The following STXBP4 variants were observed in gnomAD, a reference collection of about 807,000 sequenced individuals.
STXBP4 encodes syntaxin-binding protein 4.
A neutral mutation model predicts 76.1 loss-of-function variants in STXBP4; 55 were observed. The observed-to-expected ratio is 0.72, with a 90% confidence interval of 0.58 to 0.91. The LOEUF is 0.91. STXBP4 is among the 40% of genes least tolerant of loss of function. STXBP4 has a pLI of 0.00. For missense variants in STXBP4, 618 were observed against 636.9 expected, an observed-to-expected ratio of 0.97 and a Z score of 0.32; for synonymous variants, 201 against 220.2, an observed-to-expected ratio of 0.91 and a Z score of 0.77.
intron 17 of STXBP4, 27 bp downstream of exon 17, chr17:55,141,394 A>G (rs1005947708): frequency 3.8e-6 from 6 of 1,598,222 alleles, no homozygotes; most frequent in Non-Finnish European, 4.3e-6. Flanking sequence ...CAACCAAGTA[A>G]GCAATTTTCT....
the STXBP4 span, among the ~76,000 whole-genome samples, chr17:55,196,407 T>C: frequency 8.8e-4 from 134 of 152,302 alleles, no homozygotes; most frequent in African/African-American, 3.1e-3. Context: ...AGAATCCTCA[T>C]AGCTTTGCAA....
the STXBP4 span, among the ~76,000 whole-genome samples, chr17:55,186,841 C>A: frequency 6.6e-6 from 1 of 152,138 alleles, no homozygotes; most frequent in Admixed American, 6.6e-5. Context: ...CCATTCATTC[C>A]TCTTTCCTCC....
At chr17:55,071,368 G>A (rs1467400107) in intron 12 of STXBP4, among the ~76,000 whole-genome samples, 1 of 151,838 alleles carries the variant, frequency 6.6e-6, no homozygotes, top group African/African-American at 2.4e-5. Flanking sequence ...CGTCTTCCTG[G>A]ACCCTACTAC....
intron 16 of STXBP4, among the ~76,000 whole-genome samples, chr17:55,123,460 A>G (rs1010484225): frequency 6.6e-6 from 1 of 152,148 alleles, no homozygotes; most frequent in Non-Finnish European, 1.5e-5. Flanking sequence ...GCTTCTTGTT[A>G]TATAGGTTTC....
intron 12 of STXBP4, among the ~76,000 whole-genome samples, chr17:55,067,292 A>G (rs2079064413): frequency 6.6e-6 from 1 of 152,214 alleles, no homozygotes; most frequent in Non-Finnish European, 1.5e-5. Flanking sequence ...TTAATTACAG[A>G]CGACAAATCT....
chr17:55,046,570 T>C (rs964351982), intron 11 of STXBP4, among the ~76,000 whole-genome samples: 11 of 152,016 alleles, frequency 7.2e-5, no homozygotes, highest in African/African-American at 2.4e-4. Flanking sequence ...ATATTTTATG[T>C]GTATGTATAA....
intron 16 of STXBP4, among the ~76,000 whole-genome samples, chr17:55,090,272 AAGTGGAGACAC>A (rs1274275701): frequency 1.3e-5 from 2 of 151,982 alleles, no homozygotes; most frequent in Non-Finnish European, 2.9e-5. Flanking sequence ...ATCCTTTAGA[AAGTGGAGACAC>A]ACTTTAGATC....
intron 16 of STXBP4, among the ~76,000 whole-genome samples, chr17:55,093,823 C>T (rs1364557294): frequency 6.6e-6 from 1 of 152,050 alleles, no homozygotes; most frequent in Admixed American, 6.6e-5. Flanking sequence ...TGTTGAGTGT[C>T]TACAATGGGC....
intron 8 of STXBP4, among the ~76,000 whole-genome samples, chr17:55,028,176 C>A (rs1290591509): frequency 1.3e-5 from 2 of 151,884 alleles, no homozygotes; most frequent in Non-Finnish European, 2.9e-5. Flanking sequence ...TTTAAAAAAT[C>A]CAGATAATTC....
intron 16 of STXBP4, among the ~76,000 whole-genome samples, chr17:55,088,343 A>G (rs977385287): frequency 6.6e-6 from 1 of 152,146 alleles, no homozygotes; most frequent in Admixed American, 6.5e-5. Flanking sequence ...ATGTTATACT[A>G]TGGGATTTTC....
chr17:55,141,487 AG>A (rs1365170105), intron 17 of STXBP4, 120 bp downstream of exon 17: 1 of 725,248 alleles, frequency 1.4e-6, no homozygotes, highest in Non-Finnish European at 2.2e-6. Context: ...ATTAGTAACA[AG>A]AAATGAAGCC....
intron 16 of STXBP4, among the ~76,000 whole-genome samples, chr17:55,081,535 G>A (rs914268019): frequency 3.9e-5 from 6 of 152,166 alleles, no homozygotes; most frequent in Non-Finnish European, 7.3e-5. Context: ...AAGATTAAAT[G>A]TACAGTCCAA....
chr17:55,034,843 A>C (rs992275031), intron 10 of STXBP4, among the ~76,000 whole-genome samples: 2 of 152,056 alleles, frequency 1.3e-5, no homozygotes, highest in African/African-American at 4.8e-5. Flanking sequence ...GCTTTATGTA[A>C]AATGGGATTG....
At chr17:55,175,000 C>G (rs527943040), downstream of STXBP4, among the ~76,000 whole-genome samples, 4 of 151,550 alleles carry the variant, frequency 2.6e-5, no homozygotes, top group Non-Finnish European at 5.9e-5. Context: ...CTTCAGCCTG[C>G]GACAGAGCGA....
chr17:55,190,706 G>A, the STXBP4 span, among the ~76,000 whole-genome samples: 3 of 152,268 alleles, frequency 2.0e-5, no homozygotes, highest in Admixed American at 2.0e-4. Context: ...ATTGTGGTTT[G>A]GGTGGCAATT....
chr17:55,082,524 A>G (rs1353101619), intron 16 of STXBP4, among the ~76,000 whole-genome samples: 1 of 152,168 alleles, frequency 6.6e-6, no homozygotes, highest in Non-Finnish European at 1.5e-5. Context: ...GGACATTTAA[A>G]CATTATACAG....
intron 12 of STXBP4, among the ~76,000 whole-genome samples, chr17:55,061,345 T>C (rs1305308330): frequency 6.6e-6 from 1 of 152,242 alleles, no homozygotes; most frequent in Admixed American, 6.5e-5. Context: ...GCAAAGCCTC[T>C]AATTTTCAGA....
intron 16 of STXBP4, among the ~76,000 whole-genome samples, chr17:55,091,295 T>A (rs546939061): frequency 1.3e-5 from 2 of 152,168 alleles, no homozygotes; most frequent in African/African-American, 4.8e-5. Context: ...GAAGGTTTTT[T>A]TGAAAGTTAA....
At chr17:55,103,024 T>C (rs1281336048) in intron 16 of STXBP4, among the ~76,000 whole-genome samples, 1 of 152,198 alleles carries the variant, frequency 6.6e-6, no homozygotes, top group Non-Finnish European at 1.5e-5. Flanking sequence ...ATTCTGGGTA[T>C]TAAATGCCCT....
Sources: allele counts gnomAD v4.1 joint callset (sites outside exome capture counted in the v4.1 genomes callset), GRCh38; gene constraint gnomAD v4.1.1; transcripts MANE v1.5; gene names NCBI Gene and HGNC (gene_info 2026-07-23, HGNC 2026-07-21).